The following CDH18 variants were observed in gnomAD, a reference collection of about 807,000 sequenced individuals.
CDH18 encodes cadherin 18, also known as cadherin-18.
Under a neutral mutation model 67.9 loss-of-function variants are expected in CDH18, and 31 were observed. That is an observed-to-expected ratio of 0.46 (90% CI 0.34 to 0.62). The LOEUF (loss-of-function observed/expected upper bound fraction) is 0.62, where lower values mean the gene tolerates loss of function less well. CDH18 is among the 20% of genes least tolerant of loss of function. CDH18 has a pLI of 0.01. For synonymous variants in CDH18, 362 were observed against 347.2 expected (o/e 1.04, Z -0.48); for missense variants, 890 against 975.5 (o/e 0.91, Z 1.17).
At chr5:19,722,286 T>G (rs1174553553) in intron 4 of CDH18, among the ~76,000 whole-genome samples, 1 of 151,896 alleles carries the variant, frequency 6.6e-6, no homozygotes, top group Non-Finnish European at 1.5e-5. Context: ...ACTCCTGATC[T>G]CTGGTGATCC....
chr5:20,023,011 T>C (rs903116097), intron 2 of CDH18, among the ~76,000 whole-genome samples: 51 of 152,196 alleles, frequency 3.4e-4, no homozygotes, highest in African/African-American at 1.1e-3. Context: ...ACCTTAGATA[T>C]TTGATACACA....
chr5:20,234,395 G>A (rs1341605146), intron 2 of CDH18, among the ~76,000 whole-genome samples: 4 of 151,808 alleles, frequency 2.6e-5, no homozygotes, highest in Admixed American at 2.0e-4. Flanking sequence ...ATCTCTAAAC[G>A]ATGCATTTTT....
intron 2 of CDH18, among the ~76,000 whole-genome samples, chr5:20,169,071 GCAAA>G (rs1290032389): frequency 6.6e-6 from 1 of 152,104 alleles, no homozygotes; most frequent in South Asian, 2.1e-4. Flanking sequence ...CTGTTTGATA[GCAAA>G]CAAAGATGAC....
intron 2 of CDH18, among the ~76,000 whole-genome samples, chr5:19,948,236 C>T (rs1024876702): frequency 9.2e-5 from 14 of 152,020 alleles, no homozygotes; most frequent in Non-Finnish European, 1.6e-4. Flanking sequence ...ATAGACTTAT[C>T]GCACAAAGCA....
intron 5 of CDH18, among the ~76,000 whole-genome samples, chr5:19,627,937 T>C (rs1335678272): frequency 6.6e-6 from 1 of 152,180 alleles, no homozygotes; most frequent in Non-Finnish European, 1.5e-5. Context: ...ATCACTATCA[T>C]GCTGTTAGCT....
intron 1 of CDH18, among the ~76,000 whole-genome samples, chr5:20,300,410 AGACCAG>A (rs1293304148): frequency 6.6e-6 from 1 of 152,014 alleles, no homozygotes; most frequent in African/African-American, 2.4e-5. Flanking sequence ...CACATTAACA[AGACCAG>A]GATGTACTTT....
chr5:19,731,550 C>G (rs913904348), intron 4 of CDH18, among the ~76,000 whole-genome samples: 6 of 152,166 alleles, frequency 3.9e-5, no homozygotes, highest in Non-Finnish European at 5.9e-5. Context: ...TAGAGATACT[C>G]AATCTGTTGC....
chr5:20,152,859 T>C lies in CDH18; in HGVS notation c.-518+102585A>G, dbSNP rs1005323535. On this transcript the variant is annotated intron_variant, in intron 2 of 14. Coordinates refer to the CDH18 transcript ENST00000507958. ...TAACGAAAAGTTGTTTACTGATCCCTATTCAGATGCATTATCCATTGCTTA... is the reference window on the plus strand; with the variant it reads ...TAACGAAAAGTTGTTTACTGATCCCCATTCAGATGCATTATCCATTGCTTA... Among the ~76,000 whole-genome samples, 13 of 152,114 alleles carry C rather than the reference T, an allele frequency of 8.5e-5. No individual in the cohort carries two copies. The East Asian group carries it at 2.3e-3, about 27-fold the overall frequency.
chr5:20,556,332 G>T (rs530640769), intron 1 of CDH18, among the ~76,000 whole-genome samples: 2 of 152,090 alleles, frequency 1.3e-5, no homozygotes, highest in Non-Finnish European at 2.9e-5. Context: ...AGACGAATGT[G>T]GTAAAGGGAC....
chr5:20,066,967 T>TC (rs1743032176), intron 2 of CDH18, among the ~76,000 whole-genome samples: 1 of 151,812 alleles, frequency 6.6e-6, no homozygotes, highest in African/African-American at 2.4e-5. Context: ...ATCCATGGAT[T>TC]CCTCATCCAA....
intron 2 of CDH18, among the ~76,000 whole-genome samples, chr5:19,927,445 A>AAAAG (rs1251904177): frequency 1.3e-5 from 2 of 152,166 alleles, no homozygotes; most frequent in Non-Finnish European, 2.9e-5. Flanking sequence ...AATTGATCTC[A>AAAAG]AAAGTCTCCA....
chr5:19,568,292 G>A (rs1267188102), intron 8 of CDH18, among the ~76,000 whole-genome samples: 8 of 152,122 alleles, frequency 5.3e-5, no homozygotes, highest in Admixed American at 2.6e-4. Context: ...AATGGCATGT[G>A]GAGGTACAAA....
At chr5:20,428,950 G>A (rs1748533386) in intron 1 of CDH18, among the ~76,000 whole-genome samples, 1 of 152,128 alleles carries the variant, frequency 6.6e-6, no homozygotes, top group African/African-American at 2.4e-5. Context: ...GGAGCTATGT[G>A]CGTTTTTACT....
At chr5:19,940,012 T>C (rs926247733) in intron 2 of CDH18, among the ~76,000 whole-genome samples, 4 of 151,858 alleles carry the variant, frequency 2.6e-5, no homozygotes, top group South Asian at 4.1e-4. Context: ...TTTTTAGTGA[T>C]TGTGCAAGAA....
intron 2 of CDH18, among the ~76,000 whole-genome samples, chr5:20,241,877 A>T (rs1360927875): frequency 1.1e-5 from 1 of 90,160 alleles, no homozygotes; most frequent in African/African-American, 5.4e-5. Context: ...AAAATAAAAT[A>T]AAATATATAT....
intron 1 of CDH18, among the ~76,000 whole-genome samples, chr5:20,519,119 T>A (rs556996297): frequency 1.3e-5 from 2 of 152,338 alleles, no homozygotes; most frequent in South Asian, 4.1e-4. Flanking sequence ...TCTGTCTTTA[T>A]TCTTGTTGTG....
At chr5:19,707,819 T>C (rs989860299) in intron 5 of CDH18, among the ~76,000 whole-genome samples, 2 of 152,178 alleles carry the variant, frequency 1.3e-5, no homozygotes, top group African/African-American at 2.4e-5. Flanking sequence ...TTTGGGAAGA[T>C]TGCATTGCAG....
chr5:20,450,045 T>C (rs189351322), intron 1 of CDH18, among the ~76,000 whole-genome samples: 60 of 152,124 alleles, frequency 3.9e-4, no homozygotes, highest in Non-Finnish European at 5.9e-5. Flanking sequence ...ATTTTTAAAG[T>C]ATATTTTTCT....
At chr5:20,472,701 T>C (rs1222847349) in intron 1 of CDH18, among the ~76,000 whole-genome samples, 1 of 152,218 alleles carries the variant, frequency 6.6e-6, no homozygotes, top group East Asian at 1.9e-4. Flanking sequence ...TTCAACAGCG[T>C]GCTATGTTTG....
Sources: gnomAD v4.1 joint callset for allele counts (sites outside exome capture counted in the v4.1 genomes callset) on GRCh38, gnomAD v4.1.1 for gene constraint, MANE v1.5 for transcripts, NCBI Gene and HGNC (gene_info 2026-07-23, HGNC 2026-07-21) for gene names.